MEP1B: variants seen among roughly 807,000 people sequenced by gnomAD.
MEP1B encodes meprin A subunit beta.
In MEP1B, 80 loss-of-function variants were observed where a neutral mutation model predicts 84.6. The ratio of observed to expected loss-of-function variants is 0.95; its 90% CI spans 0.79 to 1.14. The LOEUF (loss-of-function observed/expected upper bound fraction) is 1.14. MEP1B is among the 50% of genes most tolerant of loss of function. The pLI is 0.00. For synonymous variants in MEP1B, 273 were observed against 288.1 expected (o/e 0.95, Z 0.53); for missense variants, 766 against 855.1 (o/e 0.90, Z 1.30).
chr18:32,198,943 T>C (rs1268583067), intron 5 of MEP1B, among the ~76,000 whole-genome samples: 1 of 152,078 alleles, frequency 6.6e-6, no homozygotes, highest in African/African-American at 2.4e-5. Context: ...ATTTGTTAGA[T>C]TTAGTGATTG....
chr18:32,208,608 A>C (rs9952703), intron 9 of MEP1B, among the ~76,000 whole-genome samples: 4,325 of 152,284 alleles, frequency 0.028, 176 homozygotes, highest in African/African-American at 0.096. Flanking sequence ...AGAATACAAG[A>C]GACTCTTTCC....
chr18:32,192,351 C>T (rs1202227684), intron 2 of MEP1B, among the ~76,000 whole-genome samples: 4 of 152,076 alleles, frequency 2.6e-5, no homozygotes, highest in Admixed American at 1.3e-4. Flanking sequence ...GTCTTCTAGT[C>T]TTTCAAATTA....
chr18:32,199,143 C>G (rs1383343816), intron 5 of MEP1B, among the ~76,000 whole-genome samples: 1 of 152,136 alleles, frequency 6.6e-6, no homozygotes, highest in Non-Finnish European at 1.5e-5. Flanking sequence ...ATCAGAGTCA[C>G]TGTGGTGGAG....
At chr18:32,216,466 C>CA (rs2041090764) in intron 12 of MEP1B, among the ~76,000 whole-genome samples, 1 of 152,166 alleles carries the variant, frequency 6.6e-6, no homozygotes, top group South Asian at 2.1e-4. Context: ...TTTGCTCTAC[C>CA]AAGCCAGAGA....
At chr18:32,215,590 C>A (rs566863823) in intron 12 of MEP1B, among the ~76,000 whole-genome samples, 1 of 152,040 alleles carries the variant, frequency 6.6e-6, no homozygotes, top group Non-Finnish European at 1.5e-5. Flanking sequence ...TTTGGGAGAC[C>A]GAGGCGAGTG....
At chr18:32,204,479 A>C in intron 7 of MEP1B, 119 bp downstream of exon 7, 1 of 865,812 alleles carries the variant, frequency 1.2e-6, no homozygotes, top group South Asian at 1.8e-5. Context: ...TTGATGTCTT[A>C]ATTCATTCAG....
chr18:32,214,775 G>A (rs1272831767), intron 11 of MEP1B, among the ~76,000 whole-genome samples: 1 of 152,146 alleles, frequency 6.6e-6, no homozygotes, highest in African/African-American at 2.4e-5. Flanking sequence ...ATAGATAGGA[G>A]GGTTTCTATA....
At chr18:32,199,112 G>A (rs2040883525) in intron 5 of MEP1B, among the ~76,000 whole-genome samples, 1 of 152,122 alleles carries the variant, frequency 6.6e-6, no homozygotes, top group Non-Finnish European at 1.5e-5. Context: ...ATTAGTTTTT[G>A]GCATGCAGAA....
chr18:32,203,106 A>G lies in MEP1B; in HGVS notation c.368+96A>G, dbSNP rs995247884. 1.2e-5 allele frequency: 8 copies of G among 674,972 alleles called. No individual in the cohort carries two copies. The African/African-American group carries it at 1.5e-4, about 12-fold the overall frequency. 41.8% of individuals were successfully genotyped at this position (674,972 alleles called of 1,614,324 possible). A position where few individuals can be genotyped will look rare whatever the true frequency, so the allele number is the denominator to read the frequency against. The stretch of plus-strand genomic sequence containing the variant: ...ATCATCCTAGGCTCTGACCTTTAGG[A>G]AGGGGTGGGGACTTTCTTGCTAGTT... On this transcript the variant is annotated intron_variant, in intron 6 of 14. Transcript: ENST00000269202.
At chr18:32,218,068 C>A in intron 14 of MEP1B, 103 bp downstream of exon 14, 1 of 985,796 alleles carries the variant, frequency 1.0e-6, no homozygotes, top group Non-Finnish European at 1.5e-6. Context: ...CTTCTTCTCT[C>A]TGTTTCCTAT....
rs117769958 is a variant in MEP1B at position 32,192,338 on chromosome 18, C to T, written c.83-308C>T. Among the ~76,000 whole-genome samples, 93 of 152,196 alleles carry T rather than the reference C, an allele frequency of 6.1e-4. 1 individual carries two copies. The East Asian group carries it at 0.015, about 25-fold the overall frequency. ...TTTAATCATTTGTTTGCTATTTAATCTAGTCTTCTAGTCTTTCAAATTATG... is the reference window on the plus strand; with the variant it reads ...TTTAATCATTTGTTTGCTATTTAATTTAGTCTTCTAGTCTTTCAAATTATG... On this transcript the variant is annotated intron_variant, in intron 2 of 14. Coordinates refer to ENST00000269202, the MANE Select transcript of MEP1B (RefSeq NM_005925.3).
intron 4 of MEP1B, among the ~76,000 whole-genome samples, chr18:32,194,909 A>G (rs988638254): frequency 2.6e-5 from 4 of 152,104 alleles, no homozygotes; most frequent in African/African-American, 7.2e-5. Flanking sequence ...AGGAATCTCT[A>G]TTCTCTAGGA....
Position 32,196,684 on chromosome 18 carries a change from T to G in MEP1B, c.250+1199T>G. 1.5e-6 allele frequency: 1 copy of G among 655,564 alleles called. No individual in the cohort carries two copies. Among genetic ancestry groups the G allele is most frequent in the Non-Finnish European group, 2.8e-6 (1 of 358,712 alleles). 40.6% of individuals were successfully genotyped at this position (655,564 alleles called of 1,614,324 possible). ...GGTGTCTTCCCCAAGCACCAGCGCATGAGGTAGTGGGCGCCCTGCAGCAGG... is the reference window on the plus strand; with the variant it reads ...GGTGTCTTCCCCAAGCACCAGCGCAGGAGGTAGTGGGCGCCCTGCAGCAGG... On this transcript the variant is annotated intron_variant, in intron 5 of 14. Coordinates refer to ENST00000269202, the MANE Select transcript of MEP1B (RefSeq NM_005925.3). This position sits in a 1 kb window ranked among gnomAD's most constrained non-coding sequence, Gnocchi z 4.4.
Position 32,207,320 on chromosome 18 carries a change from A to G in MEP1B, c.616A>G (p.Thr206Ala). 6.2e-7 allele frequency: 1 copy of G among 1,613,108 alleles called. No homozygotes were observed. Residue 206 changes from threonine to alanine, a missense_variant, in exon 8 of 15, where the codon ACT becomes GCT. Transcript: ENST00000269202. ...TTCCCTGAATGTTCCCTATGATTAC[A>G]CTTCAGTAATGCACTACAGTAAAAC... is the stretch of plus-strand genomic sequence containing the variant. The part of the protein sequence containing the change: ...SDSLNVPYDY[T>A]SVMHYSKTAF...
In MEP1B at chr18:32,210,695, AC is replaced by A; in HGVS notation, c.1117del (p.Val374TrpfsTer4). ...YSADNVDGNLTLVEEIKEIPT... is the reference protein window; with the variant it reads ...YSADNVDGNLXLVEEIKEIPT... ...TGCAGACAATGTGGATGGCAATTTAACCCTTGTGGAAGAAATAAAAGGTACA... is the reference window on the plus strand; with the variant it reads ...TGCAGACAATGTGGATGGCAATTTAACCTTGTGGAAGAAATAAAAGGTACA... On this transcript the variant is annotated frameshift_variant, in exon 10 of 15. Transcript: ENST00000269202. LOFTEE classifies it high-confidence loss of function. The A allele has an allele frequency of 6.2e-7, 1 of 1,613,438 alleles. No individual in the cohort carries two copies. The highest frequency in any genetic ancestry group is 8.5e-7 in the Non-Finnish European group (1 of 1,179,600).
chr18:32,213,062 C>T, intron 10 of MEP1B, 54 bp from the exon 11 acceptor site: 1 of 1,492,086 alleles, frequency 6.7e-7, no homozygotes, highest in Non-Finnish European at 9.3e-7. Context: ...CTAATGTTGA[C>T]ATGTACATGA....
chr18:32,191,862 T>A (rs1395674820), intron 2 of MEP1B, 22 bp downstream of exon 2: 2 of 1,489,576 alleles, frequency 1.3e-6, no homozygotes, highest in Non-Finnish European at 1.8e-6. Flanking sequence ...TTGAGTTTTG[T>A]TCTAGGTTAT....
chr18:32,202,270 T>C (rs2040919780), intron 5 of MEP1B, among the ~76,000 whole-genome samples: 1 of 152,210 alleles, frequency 6.6e-6, no homozygotes, highest in Admixed American at 6.5e-5. Context: ...ACTCACAAGT[T>C]TCTTTTCCTG....
At chr18:32,203,509 C>T (rs1200403408) in intron 6 of MEP1B, among the ~76,000 whole-genome samples, 1 of 152,096 alleles carries the variant, frequency 6.6e-6, no homozygotes, top group African/African-American at 2.4e-5. Context: ...CAAGAAAAAC[C>T]AGGTCTAGAC....
Sources: gnomAD v4.1 joint callset for allele counts (sites outside exome capture counted in the v4.1 genomes callset) on GRCh38, gnomAD v4.1.1 for gene constraint, Gnocchi (gnomAD v3.1) non-coding constraint, MANE v1.5 for transcripts, NCBI Gene and HGNC (gene_info 2026-07-23, HGNC 2026-07-21) for gene names.